EFCAB8: variants seen among roughly 807,000 people sequenced by gnomAD.
The protein encoded by EFCAB8 is EF-hand calcium binding domain 8, also known as EF-hand calcium-binding domain-containing protein 8.
Under a neutral mutation model 116.3 loss-of-function variants are expected in EFCAB8, and 100 were observed. That is an observed-to-expected ratio of 0.86 (90% CI 0.73 to 1.02). EFCAB8 has a LOEUF of 1.02. Among genes scored for constraint, EFCAB8 ranks in the 50% least tolerant of loss-of-function variants. The pLI is 0.00. For missense variants in EFCAB8, 1,320 were observed against 1,416.9 expected (o/e 0.93, Z 1.10); for synonymous variants, 558 against 567.9 (o/e 0.98, Z 0.25).
chr20:32,961,315 C>A lies in EFCAB8; in HGVS notation c.3573C>A (p.Ser1191Arg). 6.6e-7 allele frequency: 1 copy of A among 1,508,290 alleles called. No homozygotes were observed. The highest frequency in any genetic ancestry group is 2.3e-5 in the Admixed American group (1 of 42,816). 93.4% of individuals were successfully genotyped at this position (1,508,290 alleles called of 1,614,324 possible). A position where few individuals can be genotyped will look rare whatever the true frequency, so the allele number is the denominator to read the frequency against. Residue 1191 changes from serine (S) to arginine (R), a missense_variant, in exon 27 of 27, where the codon AGC (serine) becomes AGA (arginine). Transcript: ENST00000400522. The part of the protein sequence containing the change: ...REQAVLDTTD[S>R]TPAAASSPSS... The stretch of plus-strand genomic sequence containing the variant: ...AGGCTGTGCTGGATACCACGGACAG[C>A]ACGCCTGCGGCCGCCTCCTCCCCAT...
chr20:32,943,522 C>G (rs1172719056), intron 22 of EFCAB8, 114 bp from the exon 23 acceptor site: 1 of 415,308 alleles, frequency 2.4e-6, no homozygotes, highest in African/African-American at 2.1e-5. Flanking sequence ...AGAACGCTAG[C>G]CTGTGTCCCA....
At chr20:32,938,451 T>C (rs1223330473) in intron 22 of EFCAB8, among the ~76,000 whole-genome samples, 1 of 149,790 alleles carries the variant, frequency 6.7e-6, no homozygotes, top group African/African-American at 2.5e-5. Flanking sequence ...GGGAGGTCAG[T>C]TAGGCAAGAA....
chr20:32,934,180 A>G (rs1453234186), intron 22 of EFCAB8, among the ~76,000 whole-genome samples: 2 of 152,096 alleles, frequency 1.3e-5, no homozygotes, highest in East Asian at 1.9e-4. Flanking sequence ...TTATAATTCC[A>G]TATATAAATA....
At chr20:32,943,928 T>A in intron 23 of EFCAB8, 124 bp downstream of exon 23, 1 of 405,024 alleles carries the variant, frequency 2.5e-6, no homozygotes, top group Non-Finnish European at 4.4e-6. Context: ...GCAACTGCCT[T>A]CACTTAAATA....
chr20:32,859,466 T>G (rs1349505500), intron 1 of EFCAB8, among the ~76,000 whole-genome samples: 1 of 152,116 alleles, frequency 6.6e-6, no homozygotes, highest in Admixed American at 6.5e-5. Flanking sequence ...TTCTTTTGGG[T>G]GGTCTCTGTT....
At position 32,907,075 on chromosome 20, in the gene EFCAB8, C is replaced by T. The variant is rs911432149; in HGVS notation, c.1308+81C>T. ...AGAGAAATGGCATGACCTCCCTGCC[C>T]ACGGCCCCACATCTGGCCAAAGGCC... On this transcript the variant is annotated intron_variant, in intron 13 of 26. Transcript: ENST00000400522. The T allele has an allele frequency of 3.5e-6, 5 of 1,443,990 alleles. No individual in the cohort carries two copies. In the African/African-American group the frequency reaches 5.7e-5, roughly 17 times the overall value. The allele number at this position is 1,443,990 out of a possible 1,614,324, so 89.4% of individuals were successfully genotyped here. A position where few individuals can be genotyped will look rare whatever the true frequency, so the allele number is the denominator to read the frequency against.
chr20:32,864,125 T>C (rs533268616), intron 2 of EFCAB8, among the ~76,000 whole-genome samples: 1 of 151,970 alleles, frequency 6.6e-6, no homozygotes, highest in Non-Finnish European at 1.5e-5. Context: ...TACAGGCATG[T>C]GCCACCATGC....
At chr20:32,899,416 A>AG (rs1269147104) in intron 11 of EFCAB8, among the ~76,000 whole-genome samples, 2 of 151,260 alleles carry the variant, frequency 1.3e-5, no homozygotes, top group South Asian at 2.1e-4. Flanking sequence ...AAAAAAAAAA[A>AG]AAAAAGAAAA....
chr20:32,939,123 T>C (rs1480183076), intron 22 of EFCAB8, among the ~76,000 whole-genome samples: 6 of 112,844 alleles, frequency 5.3e-5, no homozygotes, highest in African/African-American at 1.7e-4. Context: ...CTCTCTTTCT[T>C]TCTCTTTCTT....
intron 20 of EFCAB8, among the ~76,000 whole-genome samples, 199 bp from the exon 21 acceptor site, chr20:32,930,199 C>T (rs181464431): frequency 6.6e-6 from 1 of 152,354 alleles, no homozygotes; most frequent in Admixed American, 6.5e-5. Flanking sequence ...CGCAAAATCC[C>T]TGCCCTCTAG....
At chr20:32,928,072 CAT>C (rs2146270289) in intron 20 of EFCAB8, among the ~76,000 whole-genome samples, 1 of 152,208 alleles carries the variant, frequency 6.6e-6, no homozygotes, top group East Asian at 1.9e-4. Context: ...CAAGTGGAAT[CAT>C]ATGTTTGTCT....
chr20:32,911,590 G>T lies in EFCAB8; in HGVS notation c.1668G>T (p.Met556Ile). 1 of 1,550,398 alleles carries T rather than the reference G, an allele frequency of 6.4e-7. No homozygotes were observed. The highest frequency in any genetic ancestry group is 2.4e-5 in the East Asian group (1 of 40,894). The part of the protein sequence containing the change: ...SGGQHVEMTA[M>I]ALDESERCLL... ...GCCAGCACGTGGAGATGACCGCCATGGCCCTGGATGAGTCAGAGCGGTGCC... is the reference window on the plus strand; with the variant it reads ...GCCAGCACGTGGAGATGACCGCCATTGCCCTGGATGAGTCAGAGCGGTGCC... Residue 556 changes from methionine to isoleucine, a missense_variant, in exon 16 of 27, where the codon ATG becomes ATT. Coordinates refer to ENST00000400522, the MANE Select transcript of EFCAB8 (RefSeq NM_001143967.2).
intron 20 of EFCAB8, among the ~76,000 whole-genome samples, chr20:32,922,737 A>T (rs984003622): frequency 6.6e-6 from 1 of 152,100 alleles, no homozygotes; most frequent in Admixed American, 6.6e-5. Context: ...ATTTGGAAGG[A>T]GGGTGATGCA....
chr20:32,958,543 G>A lies in EFCAB8; in HGVS notation c.3082G>A (p.Glu1028Lys). The A allele has an allele frequency of 4.8e-6, 2 of 416,132 alleles. No homozygotes were observed. Among genetic ancestry groups the A allele is most frequent in the East Asian group, 7.1e-5 (2 of 28,062 alleles). 25.8% of individuals were successfully genotyped at this position (416,132 alleles called of 1,614,324 possible). Residue 1028 changes from glutamate (E) to lysine (K), a missense_variant, in exon 24 of 27, where the codon GAG becomes AAG. Glu to Lys is a moderately conservative substitution (Grantham distance 56, BLOSUM62 1). Coordinates refer to ENST00000400522, the MANE Select transcript of EFCAB8 (RefSeq NM_001143967.2). ...CACCACCCAGAAGGTCTTACATCTG[G>A]AGCTGCAGTGAGTGAGCACAGCCTG... is the stretch of plus-strand genomic sequence containing the variant. ...TGTTQKVLHLELQEQRDLAEA... is the reference protein window; with the variant it reads ...TGTTQKVLHLKLQEQRDLAEA...
intron 11 of EFCAB8, among the ~76,000 whole-genome samples, chr20:32,904,800 T>A (rs568226668): frequency 6.6e-6 from 1 of 152,052 alleles, no homozygotes; most frequent in Non-Finnish European, 1.5e-5. Flanking sequence ...CTAATTTTTG[T>A]ATTTTTAGTA....
intron 22 of EFCAB8, among the ~76,000 whole-genome samples, chr20:32,939,147 CTTTCTTTCTTTCTTTCT>C (rs1988268198): frequency 1.8e-5 from 1 of 56,190 alleles, no homozygotes; most frequent in Non-Finnish European, 3.6e-5. Context: ...TTCTTTCTTT[CTTTCTTTCTTTCTTTCT>C]TTCTTTCTTT....
chr20:32,863,769 A>C lies in EFCAB8; in HGVS notation c.-10-14A>C. ...AACGACTGGAGTTAAGTTGACTATGATTCCCTATTCTAGGTCAAGGCTAAT... is the reference window on the plus strand; with the variant it reads ...AACGACTGGAGTTAAGTTGACTATGCTTCCCTATTCTAGGTCAAGGCTAAT... On this transcript the variant is annotated splice_polypyrimidine_tract_variant and intron_variant, in intron 1 of 26. Coordinates refer to ENST00000400522, the MANE Select transcript of EFCAB8 (RefSeq NM_001143967.2). 1 of 1,549,908 alleles carries C rather than the reference A, an allele frequency of 6.5e-7. No individual in the cohort carries two copies. Among genetic ancestry groups the C allele is most frequent in the Non-Finnish European group, 8.7e-7 (1 of 1,146,482 alleles).
chr20:32,863,975 TAA>T, intron 2 of EFCAB8, 141 bp downstream of exon 2: 1 of 959,694 alleles, frequency 1.0e-6, no homozygotes, highest in South Asian at 1.8e-5. Context: ...GCAGGTAACT[TAA>T]GTGTATTTTT....
rs1986004303 is a variant in EFCAB8 at position 32,893,249 on chromosome 20, G to C, written c.834G>C (p.Met278Ile). The stretch of plus-strand genomic sequence containing the variant: ...TCATTGTCTTCACCTCCGAAAACAT[G>C]ACCAGTGGGCTGTTCAACCCCCGTA... ...GNVIVFTSEN[M>I]TSGLFNPRIL... The change falls in exon 9 of 27, where the codon ATG (methionine) becomes ATC (isoleucine). Residue 278 changes from methionine to isoleucine, a missense_variant. Coordinates refer to ENST00000400522, the MANE Select transcript of EFCAB8 (RefSeq NM_001143967.2). The C allele has an allele frequency of 6.4e-7, 1 of 1,551,868 alleles. No individual in the cohort carries two copies. The highest frequency in any genetic ancestry group is 1.4e-5 in the African/African-American group (1 of 73,044).
Sources: allele counts gnomAD v4.1 joint callset (sites outside exome capture counted in the v4.1 genomes callset), GRCh38; gene constraint gnomAD v4.1.1; transcripts MANE v1.5; gene names NCBI Gene and HGNC (gene_info 2026-07-23, HGNC 2026-07-21).